Variants in CRYL1 observed in about 807,000 individuals in gnomAD.
The protein encoded by CRYL1 is crystallin lambda 1.
Under a neutral mutation model 36.6 loss-of-function variants are expected in CRYL1, and 29 were observed. That is an observed-to-expected ratio of 0.79 (90% confidence interval 0.59 to 1.08). CRYL1 has a LOEUF of 1.08. Ranked by LOEUF, CRYL1 falls within the 50% of genes least tolerant of loss-of-function variation. CRYL1 has a pLI of 0.00. For missense variants in CRYL1, 411 were observed against 407.9 expected, an observed-to-expected ratio of 1.01 and a Z score of -0.06; for synonymous variants, 152 against 151.5, an observed-to-expected ratio of 1.00 and a Z score of -0.02.
intron 5 of CRYL1, chr13:20,427,050 T>C: frequency 1.0e-6 from 1 of 985,498 alleles, no homozygotes; most frequent in Non-Finnish European, 1.2e-6. Context: ...CCACATACCC[T>C]GCCCTCATGG....
intron 3 of CRYL1, among the ~76,000 whole-genome samples, chr13:20,460,953 A>G (rs9509229): frequency 0.97 from 148,027 of 152,290 alleles, 72,021 homozygotes; most frequent in East Asian, 1. Flanking sequence ...GTAGGCAGCA[A>G]GGAACCCTTC....
chr13:20,421,112 A>G (rs1387314350), intron 5 of CRYL1, among the ~76,000 whole-genome samples: 1 of 152,124 alleles, frequency 6.6e-6, no homozygotes, highest in East Asian at 1.9e-4. Flanking sequence ...TGCCCTAATA[A>G]AAGGGACATT....
At chr13:20,422,016 A>G (rs1177775667) in intron 5 of CRYL1, among the ~76,000 whole-genome samples, 2 of 152,086 alleles carry the variant, frequency 1.3e-5, no homozygotes, top group Non-Finnish European at 2.9e-5. Context: ...ATAATAAATA[A>G]TGGTATAAAA....
intron 1 of CRYL1, 74 bp from the exon 2 acceptor site, chr13:20,512,624 G>T: frequency 1.8e-6 from 2 of 1,101,932 alleles, no homozygotes; most frequent in Non-Finnish European, 2.7e-6. Flanking sequence ...CCCAGAATGA[G>T]TTTTTTTTAA....
At chr13:20,483,908 G>A (rs1011499854) in intron 3 of CRYL1, among the ~76,000 whole-genome samples, 8 of 152,100 alleles carry the variant, frequency 5.3e-5, no homozygotes, top group African/African-American at 1.9e-4. Flanking sequence ...CCTCCACCTC[G>A]CAGGTTCAAG....
In CRYL1 at chr13:20,432,150, C is replaced by T. The variant is rs151200892; in HGVS notation, c.585G>A (p.Leu195=). 6.4e-4 allele frequency: 1,027 copies of T among 1,614,112 alleles called. 2 individuals are homozygous for T. Among genetic ancestry groups the T allele is most frequent in the Non-Finnish European group, 7.6e-4 (899 of 1,180,014 alleles). ...RVQKEVAGFV[L]NRLQYAIISE... is the part of the protein sequence containing the mutation. ...TGATGATTGCATATTGCAGGCGGTT[C>T]AGAACGAAGCCGGCCACCTCCTTCT... Residue 195 remains leucine, a synonymous_variant, in exon 5 of 8, where the codon CTG becomes CTA. Transcript: ENST00000298248.
intron 3 of CRYL1, among the ~76,000 whole-genome samples, chr13:20,473,300 C>A (rs1424172580): frequency 1.3e-5 from 2 of 152,216 alleles, no homozygotes. Context: ...TCACTGTGGC[C>A]GGAGCGTCGG....
Position 20,404,257 on chromosome 13 carries a change from A to AG in CRYL1, c.847-16dup. 1 of 1,475,956 alleles carries AG rather than the reference A, an allele frequency of 6.8e-7. No homozygotes were observed. Among genetic ancestry groups the AG allele is most frequent in the Non-Finnish European group, 9.5e-7 (1 of 1,055,588 alleles). The allele number at this position is 1,475,956 out of a possible 1,614,324, so 91.4% of individuals were successfully genotyped here. A position where few individuals can be genotyped will look rare whatever the true frequency, so the allele number is the denominator to read the frequency against. On this transcript the variant is annotated splice_polypyrimidine_tract_variant and intron_variant, in intron 7 of 7. Transcript: ENST00000298248. ...ATGCACATGTCCTGCAAGAAGGAGA[A>AG]GGAAAAAAAAGGACAATAAAGAGGA...
chr13:20,522,009 C>T (rs2034105899), intron 1 of CRYL1, among the ~76,000 whole-genome samples: 1 of 152,072 alleles, frequency 6.6e-6, no homozygotes, highest in Admixed American at 6.6e-5. Flanking sequence ...AGGAAAATAC[C>T]TAGAATAGCA....
intron 2 of CRYL1, among the ~76,000 whole-genome samples, chr13:20,507,542 C>T (rs1311983088): frequency 6.6e-6 from 1 of 152,180 alleles, no homozygotes; most frequent in African/African-American, 2.4e-5. Context: ...TCTCCTTCTC[C>T]AGTACTGGGC....
chr13:20,517,751 A>G (rs930962075), intron 1 of CRYL1, among the ~76,000 whole-genome samples: 3 of 152,032 alleles, frequency 2.0e-5, no homozygotes, highest in South Asian at 2.1e-4. Context: ...CCTGGCTAAC[A>G]TGGTGAAACC....
intron 3 of CRYL1, among the ~76,000 whole-genome samples, chr13:20,488,148 C>A (rs769227496): frequency 6.6e-6 from 1 of 152,132 alleles, no homozygotes; most frequent in Admixed American, 6.5e-5. Context: ...AGCTTCTCTG[C>A]CAAGACCAGG....
intron 1 of CRYL1, among the ~76,000 whole-genome samples, chr13:20,512,907 CAAT>C (rs1028576066): frequency 2.6e-5 from 4 of 152,108 alleles, no homozygotes; most frequent in Non-Finnish European, 4.4e-5. Context: ...GAGTTCACAA[CAAT>C]GTGTTGTATA....
At chr13:20,457,911 C>G (rs966713163) in intron 3 of CRYL1, among the ~76,000 whole-genome samples, 16 of 152,164 alleles carry the variant, frequency 1.1e-4, no homozygotes, top group Admixed American at 9.8e-4. Flanking sequence ...GCAGTCTATC[C>G]AGGTACTCAG....
chr13:20,475,765 C>T (rs1001123694), intron 3 of CRYL1, among the ~76,000 whole-genome samples: 2 of 152,154 alleles, frequency 1.3e-5, no homozygotes, highest in Admixed American at 6.5e-5. Flanking sequence ...AACCAGGGAC[C>T]CTTTCAGCGG....
chr13:20,431,562 C>T, intron 5 of CRYL1: 1 of 1,011,288 alleles, frequency 9.9e-7, no homozygotes, highest in Non-Finnish European at 1.2e-6. Context: ...ATTTCTTCAC[C>T]TCCATGTAAA....
chr13:20,410,560 T>C (rs936152604), intron 6 of CRYL1, among the ~76,000 whole-genome samples: 2 of 151,878 alleles, frequency 1.3e-5, no homozygotes, highest in Non-Finnish European at 2.9e-5. Flanking sequence ...ATAAATAAAA[T>C]CCTAATCTGT....
intron 5 of CRYL1, among the ~76,000 whole-genome samples, chr13:20,423,770 CTTT>C (rs1158080893): frequency 1.0e-5 from 1 of 100,152 alleles, no homozygotes. Context: ...GGTGTGGGTT[CTTT>C]TTTTTTTTTT....
At chr13:20,486,897 G>T (rs1371252531) in intron 3 of CRYL1, among the ~76,000 whole-genome samples, 1 of 152,158 alleles carries the variant, frequency 6.6e-6, no homozygotes, top group Non-Finnish European at 1.5e-5. Context: ...TTTTCTGTGT[G>T]CCAAGTACTA....
Sources: gnomAD v4.1 joint callset for allele counts (sites outside exome capture counted in the v4.1 genomes callset) on GRCh38, gnomAD v4.1.1 for gene constraint, MANE v1.5 for transcripts, NCBI Gene and HGNC (gene_info 2026-07-23, HGNC 2026-07-21) for gene names.